The following TPTE variants were observed in gnomAD, a reference collection of about 807,000 sequenced individuals.
TPTE encodes putative tyrosine-protein phosphatase TPTE.
A neutral mutation model predicts 84.1 loss-of-function variants in TPTE; 59 were observed. That is an observed-to-expected ratio of 0.70 (90% confidence interval 0.57 to 0.87). TPTE has a LOEUF of 0.87. Ranked by LOEUF, TPTE falls within the 40% of genes least tolerant of loss-of-function variation. TPTE has a pLI of 0.00. For missense variants in TPTE, 382 were observed against 659.6 expected (o/e 0.58, Z 4.61); for synonymous variants, 130 against 223.5 (o/e 0.58, Z 3.73).
Position 10,543,531 on chromosome 21 carries a change from G to T in TPTE, c.173+149G>T. The T allele has an allele frequency of 6.1e-6, 9 of 1,479,638 alleles. No individual in the cohort carries two copies. The South Asian group carries it at 1.1e-4, about 18-fold the overall frequency. The allele number at this position is 1,479,638 out of a possible 1,614,324, so 91.7% of individuals were successfully genotyped here. A position where few individuals can be genotyped will look rare whatever the true frequency, so the allele number is the denominator to read the frequency against. On this transcript the variant is annotated intron_variant, in intron 7 of 23. Coordinates refer to ENST00000618007, the MANE Select transcript of TPTE (RefSeq NM_199261.4). ...CACAAACAAACCCATGCACAAAATG[G>T]AAACACAAAACACGGAGACAGATGG...
chr21:10,593,701 T>A (rs1281116335), intron 19 of TPTE, among the ~76,000 whole-genome samples: 1 of 152,308 alleles, frequency 6.6e-6, no homozygotes, highest in Non-Finnish European at 1.5e-5. Context: ...AGGACTGAAA[T>A]CTAGATGTCA....
At chr21:10,575,201 A>T (rs2075126425) in intron 14 of TPTE, among the ~76,000 whole-genome samples, 1 of 152,312 alleles carries the variant, frequency 6.6e-6, no homozygotes, top group Non-Finnish European at 1.5e-5. Context: ...GACAGTCTGG[A>T]CAAGGAAGAG....
chr21:10,580,288 T>A (rs1201521692), intron 17 of TPTE, among the ~76,000 whole-genome samples: 1 of 152,312 alleles, frequency 6.6e-6, no homozygotes, highest in African/African-American at 2.4e-5. Context: ...TGTAGATATT[T>A]CTCCCATTCT....
At chr21:10,593,617 ACT>A (rs1477002332) in intron 19 of TPTE, among the ~76,000 whole-genome samples, 3 of 152,308 alleles carry the variant, frequency 2.0e-5, no homozygotes, top group Non-Finnish European at 4.4e-5. Context: ...ATTCTCAGTA[ACT>A]CTGTGAGTAG....
intron 20 of TPTE, among the ~76,000 whole-genome samples, chr21:10,597,538 C>G (rs1339176441): frequency 6.6e-6 from 1 of 152,412 alleles, no homozygotes; most frequent in African/African-American, 2.4e-5. Flanking sequence ...TCTCAGCCTC[C>G]TAAGTAGCTG....
intron 1 of TPTE, among the ~76,000 whole-genome samples, chr21:10,522,061 CCCCGCCCGCGCCAGCCGGGGCG>C (rs1198947134): frequency 5.2e-4 from 79 of 152,088 alleles, no homozygotes; most frequent in African/African-American, 1.4e-3. Flanking sequence ...GGGGCGCGCC[CCCCGCCCGCGCCAGCCGGGGCG>C]CCCGCCCGGT....
intron 10 of TPTE, among the ~76,000 whole-genome samples, chr21:10,565,886 C>T (rs1307021112): frequency 6.6e-6 from 1 of 152,310 alleles, no homozygotes; most frequent in Non-Finnish European, 1.5e-5. Context: ...AAATCTAAGA[C>T]CTCAATGAAA....
rs1263989823 is a variant in TPTE, at chr21:10,530,749, TG to T, written c.-44+3339del. 2.0e-5 allele frequency among the ~76,000 whole-genome samples: 3 copies of T among 152,310 alleles called. No homozygotes were observed. The East Asian group carries it at 5.8e-4, about 29-fold the overall frequency. Reference sequence around the variant, plus strand: ...TGAATACTGCCTATTGCTCTCACAATGGTTATACCAGTCTGCATCTCCTGAA... The same window carrying T: ...TGAATACTGCCTATTGCTCTCACAATGTTATACCAGTCTGCATCTCCTGAA... On this transcript the variant is annotated intron_variant, in intron 3 of 23. Coordinates refer to ENST00000618007, the MANE Select transcript of TPTE (RefSeq NM_199261.4).
intron 18 of TPTE, among the ~76,000 whole-genome samples, chr21:10,592,020 C>T (rs1442132818): frequency 6.6e-6 from 1 of 152,308 alleles, no homozygotes; most frequent in Non-Finnish European, 1.5e-5. Flanking sequence ...AAAAAATTAG[C>T]TGGGCATGGT....
chr21:10,604,013 G>T (rs1386952442), intron 23 of TPTE, among the ~76,000 whole-genome samples: 2 of 152,428 alleles, frequency 1.3e-5, no homozygotes, highest in East Asian at 3.8e-4. Flanking sequence ...ATCAACTTTT[G>T]TGCTAAAGGA....
chr21:10,545,424 A>T (rs942687825), intron 7 of TPTE, among the ~76,000 whole-genome samples: 2 of 152,306 alleles, frequency 1.3e-5, no homozygotes, highest in African/African-American at 4.8e-5. Context: ...ATAAATGTAG[A>T]GCAAATGTAC....
rs547877349 is a variant in TPTE, at chr21:10,533,999, A to G, written c.-43-4682A>G. ...CAGCTGGATGTTTTGTCTTATTTGA[A>G]TCAGTCAGCCACCCGCAATTGACTG... On this transcript the variant is annotated intron_variant, in intron 3 of 23. Transcript: ENST00000618007. 2.8e-4 allele frequency among the ~76,000 whole-genome samples: 42 copies of G among 152,408 alleles called. No individual in the cohort carries two copies. The South Asian group carries it at 7.9e-3, about 29-fold the overall frequency.
At chr21:10,566,852 C>A (rs1335932397) in intron 10 of TPTE, among the ~76,000 whole-genome samples, 27 of 152,394 alleles carry the variant, frequency 1.8e-4, no homozygotes, top group Admixed American at 9.1e-4. Flanking sequence ...TGCCGGGCAC[C>A]TGTAATCCCA....
intron 7 of TPTE, among the ~76,000 whole-genome samples, chr21:10,544,387 A>G (rs1192725589): frequency 7.2e-5 from 11 of 152,424 alleles, no homozygotes; most frequent in Non-Finnish European, 1.0e-4. Context: ...ATGTATTTCT[A>G]TTATTATTGT....
chr21:10,540,617 C>T, intron 4 of TPTE: 1 of 518,486 alleles, frequency 1.9e-6, no homozygotes, highest in Non-Finnish European at 3.9e-6. Flanking sequence ...CCCTCCAGAG[C>T]TCTACCGTTA....
intron 19 of TPTE, among the ~76,000 whole-genome samples, chr21:10,594,269 C>G (rs1173418826): frequency 6.6e-6 from 1 of 152,310 alleles, no homozygotes; most frequent in Non-Finnish European, 1.5e-5. Context: ...CCTAGAGTCC[C>G]TTTCCCTTCT....
chr21:10,551,850 C>G (rs2074582054), intron 7 of TPTE, among the ~76,000 whole-genome samples: 1 of 152,308 alleles, frequency 6.6e-6, no homozygotes, highest in South Asian at 2.1e-4. Context: ...CCTACCAAGA[C>G]TAAACCAAGA....
chr21:10,541,855 C>T (rs1324489071), intron 5 of TPTE, among the ~76,000 whole-genome samples: 1 of 152,308 alleles, frequency 6.6e-6, no homozygotes, highest in Admixed American at 6.5e-5. Flanking sequence ...CAGAAAGCAA[C>T]AGAGCTATGA....
At chr21:10,556,944 T>C (rs212104) in intron 8 of TPTE, among the ~76,000 whole-genome samples, 29,834 of 141,046 alleles carry the variant, frequency 0.21, 66 homozygotes, top group African/African-American at 0.47. Context: ...TGGATATTAG[T>C]CCTTTGTCAG....
Sources: gnomAD v4.1 joint callset for allele counts (sites outside exome capture counted in the v4.1 genomes callset) on GRCh38, gnomAD v4.1.1 for gene constraint, MANE v1.5 for transcripts, NCBI Gene and HGNC (gene_info 2026-07-23, HGNC 2026-07-21) for gene names.